The following MTHFSD variants were observed in gnomAD, a reference collection of about 807,000 sequenced individuals.
MTHFSD encodes methenyltetrahydrofolate synthetase domain containing, also known as methenyltetrahydrofolate synthase domain-containing protein.
Under a neutral mutation model 31.1 loss-of-function variants are expected in MTHFSD, and 37 were observed. The observed-to-expected ratio is 1.19, with a 90% confidence interval of 0.91 to 1.56. The LOEUF is 1.56. MTHFSD is among the 40% of genes most tolerant of loss of function. The pLI is 0.00. For synonymous variants in MTHFSD, 221 were observed against 206.9 expected (o/e 1.07, Z -0.59); for missense variants, 664 against 510.1 (o/e 1.30, Z -2.91).
At chr16:86,546,467 C>A in intron 5 of MTHFSD, 92 bp downstream of exon 5, 2 of 1,111,878 alleles carry the variant, frequency 1.8e-6, no homozygotes, top group South Asian at 1.2e-5. Context: ...AAAGCAGACA[C>A]CACTGGCGAC....
At chr16:86,554,246 C>T (rs1426723272) in intron 2 of MTHFSD, among the ~76,000 whole-genome samples, 1 of 152,186 alleles carries the variant, frequency 6.6e-6, no homozygotes, top group African/African-American at 2.4e-5. Flanking sequence ...ACTCCTGAAG[C>T]CAGCAAAGAC....
chr16:86,548,095 A>G, intron 4 of MTHFSD: 1 of 1,293,216 alleles, frequency 7.7e-7, no homozygotes, highest in Non-Finnish European at 1.0e-6. Context: ...CTGTCTCCCC[A>G]GTCGCTCTGG....
intron 2 of MTHFSD, chr16:86,553,615 C>T (rs192765687): frequency 2.4e-3 from 383 of 157,076 alleles, no homozygotes; most frequent in Non-Finnish European, 4.2e-3. Flanking sequence ...GACCTGCAGC[C>T]TGCCATGCCT....
Position 86,542,488 on chromosome 16 carries a change from C to CCG in MTHFSD, c.443-276_443-275insCG. ...CGTTCAAGCATGTCACAAAGGGAAA[C>CCG]AGATCACACTCATGTCAGCTTTATG... On this transcript the variant is annotated intron_variant, in intron 5 of 7. Coordinates refer to ENST00000360900, the MANE Select transcript of MTHFSD (RefSeq NM_001159377.2). This position sits in a 1 kb window ranked among gnomAD's most constrained non-coding sequence, Gnocchi z 4.6. 1.0e-5 allele frequency: 4 copies of CCG among 381,706 alleles called. No homozygotes were observed. The highest frequency in any genetic ancestry group is 4.8e-5 in the South Asian group (1 of 20,666). The allele number at this position is 381,706 out of a possible 1,614,324, so 23.6% of individuals were successfully genotyped here.
chr16:86,541,762 T>C lies in MTHFSD; in HGVS notation c.616A>G (p.Thr206Ala). The C allele has an allele frequency of 6.2e-7, 1 of 1,614,016 alleles. No individual in the cohort carries two copies. Among genetic ancestry groups the C allele is most frequent in the African/African-American group, 1.3e-5 (1 of 74,992 alleles). The stretch of plus-strand genomic sequence containing the variant: ...CCTGTGGCGATGACTCTGGTTGGAG[T>C]GAGGATGTAGTCCACAGTGATGTCG... Reference protein sequence around the residue: ...EHDITVDYILTPTRVIATGCK... With the variant: ...EHDITVDYILAPTRVIATGCK... The change falls in exon 7 of 8, where the codon ACT (threonine) becomes GCT (alanine). Residue 206 changes from threonine (T) to alanine (A), a missense_variant. By Grantham distance (58) the Thr-to-Ala change is moderately conservative. Transcript: ENST00000360900.
At chr16:86,545,092 T>C (rs1034865344) in intron 5 of MTHFSD, among the ~76,000 whole-genome samples, 59 of 152,092 alleles carry the variant, frequency 3.9e-4, no homozygotes, top group African/African-American at 1.3e-3. Flanking sequence ...TCAGGTAAAA[T>C]AGCTAATGCA....
chr16:86,532,305 TTCTGG>T lies in MTHFSD; in HGVS notation c.853_857del (p.Pro285AsnfsTer35). 6.3e-7 allele frequency: 1 copy of T among 1,584,354 alleles called. No individual in the cohort carries two copies. Among genetic ancestry groups the T allele is most frequent in the Non-Finnish European group, 8.6e-7 (1 of 1,167,680 alleles). On this transcript the variant is annotated frameshift_variant, in exon 8 of 8. Coordinates refer to ENST00000360900, the MANE Select transcript of MTHFSD (RefSeq NM_001159377.2). LOFTEE classifies it low-confidence loss of function (END_TRUNC). ...CAGGGGCTGCCTCCATGGAATTGGT[TTCTGG>T]TCCGGGTGTGTCCGGGGGCCTCCTG...
intron 2 of MTHFSD, among the ~76,000 whole-genome samples, chr16:86,553,955 G>A (rs1404843660): frequency 1.3e-5 from 2 of 152,186 alleles, no homozygotes; most frequent in Non-Finnish European, 2.9e-5. Context: ...GTGGGGAGGT[G>A]GAGAACTTTT....
At chr16:86,533,535 A>T (rs1029305123) in intron 7 of MTHFSD, 1 of 152,250 alleles carries the variant, frequency 6.6e-6, no homozygotes, top group African/African-American at 2.4e-5. Context: ...ACAGGGCAGC[A>T]CATGAGCTAG....
rs1451678569 is a variant in MTHFSD, at chr16:86,542,957, T to G, written c.443-744A>C. On this transcript the variant is annotated intron_variant, in intron 5 of 7. Coordinates refer to ENST00000360900, the MANE Select transcript of MTHFSD (RefSeq NM_001159377.2). This position sits in a 1 kb window ranked among gnomAD's most constrained non-coding sequence, Gnocchi z 4.6. ...CACTTCAGAAACTGAGGCCAGCGAG[T>G]GCCACCAGCAGCATCACCCGCAGAG... 6.6e-6 allele frequency among the ~76,000 whole-genome samples: 1 copy of G among 152,134 alleles called. No homozygotes were observed. The highest frequency in any genetic ancestry group is 2.4e-5 in the African/African-American group (1 of 41,446).
rs1181282536 is a variant in MTHFSD at position 86,546,545 on chromosome 16, T to A, written c.442+14A>T. ...GAGCTGTCACACTCAAGGGTTCCCA[T>A]CTGCTAGTCTTACCTTTTTCAGAAA... On this transcript the variant is annotated intron_variant, in intron 5 of 7. Transcript: ENST00000360900. 1 of 1,612,460 alleles carries A rather than the reference T, an allele frequency of 6.2e-7. No homozygotes were observed. The highest frequency in any genetic ancestry group is 1.7e-5 in the Admixed American group (1 of 60,008).
intron 5 of MTHFSD, among the ~76,000 whole-genome samples, chr16:86,543,378 G>A (rs557802405): frequency 7.9e-5 from 12 of 152,178 alleles, no homozygotes; most frequent in South Asian, 2.1e-4. Flanking sequence ...ACTCCCCTCC[G>A]AGGCATTGGC....
intron 7 of MTHFSD, chr16:86,540,805 G>A: frequency 3.0e-6 from 3 of 1,013,654 alleles, no homozygotes; most frequent in Non-Finnish European, 3.5e-6. Context: ...CATACACTCT[G>A]GGTTACAAAG....
At position 86,554,664 on chromosome 16, in the gene MTHFSD, T is replaced by C. The variant is rs754650130; in HGVS notation, c.104A>G (p.His35Arg). 1 of 1,614,118 alleles carries C rather than the reference T, an allele frequency of 6.2e-7. No individual in the cohort carries two copies. Among genetic ancestry groups the C allele is most frequent in the Non-Finnish European group, 8.5e-7 (1 of 1,179,942 alleles). ...NLADFPRPVH[H>R]RIPNFKGSYL... is the part of the protein sequence containing the mutation. ...CAGTACCTTAAAGTTGGGTATCCTG[T>C]GATGAACAGGTCGGGGAAAGTCAGC... Residue 35 changes from histidine (H) to arginine (R), a missense_variant, in exon 2 of 8, where the codon CAC becomes CGC. Coordinates refer to ENST00000360900, the MANE Select transcript of MTHFSD (RefSeq NM_001159377.2).
intron 7 of MTHFSD, among the ~76,000 whole-genome samples, chr16:86,534,309 C>A (rs1257152861): frequency 6.6e-6 from 1 of 152,202 alleles, no homozygotes; most frequent in Admixed American, 6.5e-5. Context: ...GAATCTTCAG[C>A]CGATTGTATA....
chr16:86,534,180 G>C (rs1052762103), intron 7 of MTHFSD, among the ~76,000 whole-genome samples: 7 of 152,196 alleles, frequency 4.6e-5, no homozygotes, highest in Non-Finnish European at 1.0e-4. Flanking sequence ...TCCACGATGC[G>C]CTCTTTTCTA....
At chr16:86,537,863 C>A (rs994082984) in intron 7 of MTHFSD, among the ~76,000 whole-genome samples, 1 of 152,232 alleles carries the variant, frequency 6.6e-6, no homozygotes, top group Non-Finnish European at 1.5e-5. Context: ...CTGGAAGAAT[C>A]CAGTTTCCCT....
At chr16:86,539,355 A>G (rs2143517765) in intron 7 of MTHFSD, among the ~76,000 whole-genome samples, 1 of 152,340 alleles carries the variant, frequency 6.6e-6, no homozygotes, top group Middle Eastern at 3.4e-3. Context: ...CCAGCAGCAC[A>G]GAGAAAGAAG....
rs376062762 is a variant in MTHFSD at position 86,548,514 on chromosome 16, G to C, written c.301C>G (p.Pro101Ala). The change falls in exon 4 of 8, where the codon CCA (proline) becomes GCA (alanine). Residue 101 changes from proline to alanine, a missense_variant. Physicochemically the swap from Pro to Ala is conservative, Grantham distance 27. Coordinates refer to ENST00000360900, the MANE Select transcript of MTHFSD (RefSeq NM_001159377.2). ...LRTGLFNKIT[P>A]PPGATKDILR... Reference sequence around the variant, plus strand: ...ATGTCTTTAGTTGCCCCAGGGGGTGGTGTGATCTTATTAAACAATCCCGTT... The same window carrying C: ...ATGTCTTTAGTTGCCCCAGGGGGTGCTGTGATCTTATTAAACAATCCCGTT... The C allele has an allele frequency of 8.7e-6, 14 of 1,613,800 alleles. No homozygotes were observed. The African/African-American group carries it at 1.3e-4, about 15-fold the overall frequency.
Sources: allele counts gnomAD v4.1 joint callset (sites outside exome capture counted in the v4.1 genomes callset), GRCh38; gene constraint gnomAD v4.1.1; non-coding constraint Gnocchi (gnomAD v3.1); transcripts MANE v1.5; gene names NCBI Gene and HGNC (gene_info 2026-07-23, HGNC 2026-07-21).